Variants in CDH8 observed in about 807,000 individuals in gnomAD.
CDH8 encodes the protein cadherin 8, also known as cadherin-8.
A neutral mutation model predicts 68.1 loss-of-function variants in CDH8; 17 were observed. The ratio of observed to expected loss-of-function variants is 0.25; its 90% confidence interval spans 0.17 to 0.37. The LOEUF is 0.37. Ranked by LOEUF, CDH8 falls within the 10% of genes least tolerant of loss-of-function variation. The pLI is 1.00. For synonymous variants in CDH8, 372 were observed against 365.1 expected, an observed-to-expected ratio of 1.02 and a Z score of -0.21; for missense variants, 763 against 999.3, an observed-to-expected ratio of 0.76 and a Z score of 3.19.
At chr16:61,720,260 T>C (rs1475777101) in intron 9 of CDH8, among the ~76,000 whole-genome samples, 1 of 150,874 alleles carries the variant, frequency 6.6e-6, no homozygotes, top group African/African-American at 2.4e-5. Context: ...CCAATTTACA[T>C]CACAAACACA....
chr16:61,997,734 C>A (rs1383190770), intron 2 of CDH8, among the ~76,000 whole-genome samples: 1 of 152,054 alleles, frequency 6.6e-6, no homozygotes, highest in East Asian at 1.9e-4. Context: ...GATATGGTGC[C>A]CTTAGAAAAC....
At chr16:61,729,968 T>A (rs1191142493) in intron 8 of CDH8, among the ~76,000 whole-genome samples, 1 of 150,764 alleles carries the variant, frequency 6.6e-6, no homozygotes, top group Non-Finnish European at 1.5e-5. Flanking sequence ...GTTTTCCTTA[T>A]CTTTAATATT....
intron 9 of CDH8, among the ~76,000 whole-genome samples, chr16:61,720,653 T>A (rs184926862): frequency 0.013 from 2,000 of 150,860 alleles, 35 homozygotes; most frequent in African/African-American, 0.035. Context: ...TAATTTTTTT[T>A]AAAAAAATTT....
chr16:61,940,396 A>ATTTTTTTTTTTTTTTTT, intron 2 of CDH8: 1 of 121,052 alleles, frequency 8.3e-6, no homozygotes, highest in Non-Finnish European at 1.6e-5. Context: ...GAACTACTTG[A>ATTTTTTTTTTTTTTTTT]TCTTTTTTTT....
intron 8 of CDH8, among the ~76,000 whole-genome samples, chr16:61,784,839 T>G (rs987485835): frequency 6.6e-6 from 1 of 152,082 alleles, no homozygotes; most frequent in Non-Finnish European, 1.5e-5. Context: ...GAATGACTAC[T>G]GGGTACATAA....
intron 2 of CDH8, among the ~76,000 whole-genome samples, chr16:62,006,917 T>C (rs1268429560): frequency 6.6e-6 from 1 of 151,932 alleles, no homozygotes; most frequent in East Asian, 1.9e-4. Flanking sequence ...TTTTTGTTTT[T>C]TTTTTTTTGA....
intron 10 of CDH8, among the ~76,000 whole-genome samples, chr16:61,661,399 T>G (rs1963554294): frequency 6.6e-6 from 1 of 151,946 alleles, no homozygotes; most frequent in African/African-American, 2.4e-5. Flanking sequence ...CAAAGTAGGT[T>G]GTCTGACCAC....
chr16:61,909,898 T>G lies in CDH8; in HGVS notation c.253-8425A>C, dbSNP rs376935955. On this transcript the variant is annotated intron_variant, in intron 2 of 11. Coordinates refer to ENST00000577390, the MANE Select transcript of CDH8 (RefSeq NM_001796.5). ...GCTGGCAAGCTTTTTCCCAGGAGAA[T>G]TCCCAAGCCAGTGTTCATGGCCTTG... 2.8e-4 allele frequency among the ~76,000 whole-genome samples: 42 copies of G among 152,304 alleles called. No homozygotes were observed. In the East Asian group the frequency reaches 7.4e-3, roughly 27 times the overall value.
chr16:61,692,592 T>G (rs1964249572), intron 10 of CDH8: 1 of 151,846 alleles, frequency 6.6e-6, no homozygotes. Flanking sequence ...TTTGTTTGTT[T>G]TCATTGAAGG....
intron 8 of CDH8, among the ~76,000 whole-genome samples, chr16:61,756,072 C>A (rs1477056367): frequency 6.6e-6 from 1 of 152,116 alleles, no homozygotes; most frequent in African/African-American, 2.4e-5. Flanking sequence ...CCACCCACCC[C>A]AGCCAACCAA....
At chr16:61,987,945 C>G (rs758811126) in intron 2 of CDH8, among the ~76,000 whole-genome samples, 6 of 152,124 alleles carry the variant, frequency 3.9e-5, no homozygotes, top group Admixed American at 6.5e-5. Context: ...TAGGGAAAGT[C>G]TAGCTTAGTA....
chr16:61,664,497 G>C (rs1331030019), intron 10 of CDH8, among the ~76,000 whole-genome samples: 1 of 151,906 alleles, frequency 6.6e-6, no homozygotes, highest in Non-Finnish European at 1.5e-5. Context: ...CATGTTATTT[G>C]TTGTAAATAG....
At chr16:61,728,355 C>T (rs1287410314) in intron 8 of CDH8, among the ~76,000 whole-genome samples, 14 of 150,704 alleles carry the variant, frequency 9.3e-5, no homozygotes, top group Non-Finnish European at 2.1e-4. Flanking sequence ...GGCTCTGCTA[C>T]AAGATTTGAA....
At chr16:61,679,145 T>C (rs1488842742) in intron 10 of CDH8, among the ~76,000 whole-genome samples, 4 of 152,052 alleles carry the variant, frequency 2.6e-5, no homozygotes, top group Non-Finnish European at 4.4e-5. Flanking sequence ...AAAAGCAATT[T>C]CTCGTGTTGC....
chr16:61,733,418 A>G (rs541034516), intron 8 of CDH8, among the ~76,000 whole-genome samples: 1 of 152,076 alleles, frequency 6.6e-6, no homozygotes, highest in Non-Finnish European at 1.5e-5. Flanking sequence ...ATGCTGTAGG[A>G]TTTGACATCT....
chr16:61,972,564 C>T lies in CDH8; in HGVS notation c.252+48588G>A, dbSNP rs568055365. 3.8e-3 allele frequency among the ~76,000 whole-genome samples: 421 copies of T among 110,428 alleles called. 2 individuals are homozygous for T. Among genetic ancestry groups the T allele is most frequent in the Non-Finnish European group, 6.1e-3 (355 of 58,266 alleles). The allele number at this position is 110,428 out of a possible 152,430, so 72.4% of individuals were successfully genotyped here. Reference sequence around the variant, plus strand: ...AATTGTCTTTTTTTTTCTGGGAACACATTGTGGGTGTGTGTGTGTGTGTGT... The same window carrying T: ...AATTGTCTTTTTTTTTCTGGGAACATATTGTGGGTGTGTGTGTGTGTGTGT... On this transcript the variant is annotated intron_variant, in intron 2 of 11. Transcript: ENST00000577390.
At chr16:62,018,686 C>T (rs570356279) in intron 2 of CDH8, among the ~76,000 whole-genome samples, 1 of 152,144 alleles carries the variant, frequency 6.6e-6, no homozygotes, top group Non-Finnish European at 1.5e-5. Context: ...GAAAAGTTTT[C>T]CAGAAAATAA....
At chr16:61,922,841 T>C (rs1201700303) in intron 2 of CDH8, among the ~76,000 whole-genome samples, 3 of 152,202 alleles carry the variant, frequency 2.0e-5, no homozygotes, top group Non-Finnish European at 4.4e-5. Flanking sequence ...TACAAATTTA[T>C]GCAATTTTGG....
At chr16:61,854,696 G>A (rs1161799545) in intron 4 of CDH8, among the ~76,000 whole-genome samples, 1 of 152,042 alleles carries the variant, frequency 6.6e-6, no homozygotes, top group Non-Finnish European at 1.5e-5. Flanking sequence ...AAATGTTCAA[G>A]GCCATTGCCT....
Sources: gnomAD v4.1 joint callset for allele counts (sites outside exome capture counted in the v4.1 genomes callset) on GRCh38, gnomAD v4.1.1 for gene constraint, MANE v1.5 for transcripts, NCBI Gene and HGNC (gene_info 2026-07-23, HGNC 2026-07-21) for gene names.